The following SGTB variants were observed in gnomAD, a reference collection of about 807,000 sequenced individuals.
The protein encoded by SGTB is small glutamine rich tetratricopeptide repeat co-chaperone beta, also known as small glutamine-rich tetratricopeptide repeat-containing protein beta.
In SGTB, 19 loss-of-function variants were observed where a neutral mutation model predicts 43.9. The observed-to-expected ratio is 0.43, with a 90% CI of 0.30 to 0.63. The LOEUF (loss-of-function observed/expected upper bound fraction) is 0.63. SGTB is among the 30% of genes least tolerant of loss of function. The pLI is 0.12. For missense variants in SGTB, 304 were observed against 358.9 expected (o/e 0.85, Z 1.24); for synonymous variants, 116 against 117.3 (o/e 0.99, Z 0.07).
chr5:65,718,442 CAG>C (rs1758191968), intron 2 of SGTB, among the ~76,000 whole-genome samples: 1 of 152,152 alleles, frequency 6.6e-6, no homozygotes, highest in South Asian at 2.1e-4. Flanking sequence ...AATCATCAAT[CAG>C]TATATTGCAA....
Position 65,670,316 on chromosome 5 carries a change from T to C in SGTB, c.845A>G (p.Glu282Gly). 6.2e-7 allele frequency: 1 copy of C among 1,614,196 alleles called. No homozygotes were observed. Among genetic ancestry groups the C allele is most frequent in the Non-Finnish European group, 8.5e-7 (1 of 1,180,010 alleles). ...FAQQIQQQNP[E>G]LIEQLRNHIR... ...GTGATTTCTCAGTTGCTCTATAAGT[T>C]CAGGATTTTGTTGCTGTATCTGCTG... Residue 282 changes from glutamate to glycine, a missense_variant, in exon 11 of 11, where the codon GAA (glutamate) becomes GGA (glycine). Glu to Gly is a moderately conservative substitution (Grantham distance 98). Transcript: ENST00000381007.
At position 65,704,287 on chromosome 5, in the gene SGTB, A is replaced by G; in HGVS notation, c.366T>C (p.Tyr122=). 6.2e-7 allele frequency: 1 copy of G among 1,601,658 alleles called. No individual in the cohort carries two copies. The highest frequency in any genetic ancestry group is 8.5e-7 in the Non-Finnish European group (1 of 1,173,390). The change falls in exon 5 of 11, where the codon TAT becomes TAC. Residue 122 remains tyrosine (Y), a synonymous_variant. Coordinates refer to ENST00000381007, the MANE Select transcript of SGTB (RefSeq NM_019072.3). ...IELDPNNAVY[Y]CNRAAAQSKL... ...CAATAGTGCTAGTTTACCTGTTGCA[A>G]TAGTAAACTGCATTATTGGGATCCA... is the stretch of plus-strand genomic sequence containing the variant.
intron 5 of SGTB, among the ~76,000 whole-genome samples, chr5:65,686,937 C>T (rs1198362568): frequency 6.6e-6 from 1 of 152,192 alleles, no homozygotes; most frequent in Non-Finnish European, 1.5e-5. Flanking sequence ...TTCTATATCA[C>T]ATCCAGCTTA....
At chr5:65,678,859 A>G (rs959404238) in intron 8 of SGTB, among the ~76,000 whole-genome samples, 2 of 152,248 alleles carry the variant, frequency 1.3e-5, no homozygotes, top group Non-Finnish European at 2.9e-5. Flanking sequence ...GATGGATTAA[A>G]GACTTAAATG....
chr5:65,698,916 C>T (rs1490617595), intron 5 of SGTB, among the ~76,000 whole-genome samples: 1 of 152,116 alleles, frequency 6.6e-6, no homozygotes, highest in Admixed American at 6.5e-5. Flanking sequence ...AAAGGGAATG[C>T]TCATACACTG....
intron 8 of SGTB, among the ~76,000 whole-genome samples, chr5:65,676,443 C>T (rs1462016343): frequency 6.6e-6 from 1 of 152,148 alleles, no homozygotes; most frequent in Non-Finnish European, 1.5e-5. Flanking sequence ...AAAGCAAGTA[C>T]TTCGAGAGCT....
chr5:65,699,628 G>A (rs957972731), intron 5 of SGTB, among the ~76,000 whole-genome samples: 1 of 152,122 alleles, frequency 6.6e-6, no homozygotes, highest in South Asian at 2.1e-4. Flanking sequence ...GGTTTGTTTG[G>A]TTTTTGTTTT....
At chr5:65,695,086 C>CAG (rs1757693662) in intron 5 of SGTB, among the ~76,000 whole-genome samples, 1 of 152,028 alleles carries the variant, frequency 6.6e-6, no homozygotes. Flanking sequence ...AACGTCTTGG[C>CAG]AGAAGACAGG....
intron 5 of SGTB, among the ~76,000 whole-genome samples, chr5:65,696,542 A>G (rs1444222360): frequency 6.6e-6 from 1 of 152,170 alleles, no homozygotes; most frequent in Non-Finnish European, 1.5e-5. Flanking sequence ...ACTTCATCCT[A>G]CAAAAATTGG....
intron 8 of SGTB, 27 bp from the exon 9 acceptor site, chr5:65,672,308 T>C (rs1757174722): frequency 1.2e-6 from 2 of 1,612,038 alleles, no homozygotes; most frequent in Non-Finnish European, 8.5e-7. Flanking sequence ...GCACCTCCCA[T>C]TAAAGGCAGT....
intron 5 of SGTB, among the ~76,000 whole-genome samples, chr5:65,698,002 A>T (rs1244765682): frequency 6.6e-6 from 1 of 152,210 alleles, no homozygotes; most frequent in African/African-American, 2.4e-5. Flanking sequence ...CTCTAGAGGA[A>T]ATGAATCTAA....
At chr5:65,697,664 T>G (rs990798677) in intron 5 of SGTB, among the ~76,000 whole-genome samples, 1 of 152,204 alleles carries the variant, frequency 6.6e-6, no homozygotes, top group African/African-American at 2.4e-5. Context: ...GCTACATTGA[T>G]GATTAATAAA....
At chr5:65,721,391 T>C (rs1290114140) in intron 1 of SGTB, among the ~76,000 whole-genome samples, 2 of 152,200 alleles carry the variant, frequency 1.3e-5, no homozygotes, top group East Asian at 3.8e-4. Context: ...AGGAAATCGC[T>C]GCCCAAGTCG....
intron 6 of SGTB, among the ~76,000 whole-genome samples, chr5:65,682,925 TC>T (rs886686487): frequency 3.9e-5 from 6 of 152,132 alleles, no homozygotes; most frequent in African/African-American, 1.2e-4. Flanking sequence ...AGAGTTAGGT[TC>T]CTGCAACTGT....
intron 5 of SGTB, 71 bp from the exon 6 acceptor site, chr5:65,685,543 T>A: frequency 8.1e-7 from 1 of 1,232,934 alleles, no homozygotes; most frequent in Non-Finnish European, 1.2e-6. Context: ...CAGGTACTAA[T>A]AATACTACCT....
At chr5:65,719,357 A>G (rs1287232083) in intron 2 of SGTB, among the ~76,000 whole-genome samples, 2 of 152,186 alleles carry the variant, frequency 1.3e-5, no homozygotes, top group African/African-American at 2.4e-5. Context: ...TGGGAGGCCA[A>G]GGCGAGTGGA....
chr5:65,678,062 T>C (rs1304415356), intron 8 of SGTB, among the ~76,000 whole-genome samples: 1 of 152,160 alleles, frequency 6.6e-6, no homozygotes, highest in Admixed American at 6.5e-5. Flanking sequence ...AAATTATCCC[T>C]ATATGCAGAT....
intron 1 of SGTB, 27 bp from the exon 2 acceptor site, chr5:65,720,856 A>G: frequency 6.3e-7 from 1 of 1,596,964 alleles, no homozygotes; most frequent in Non-Finnish European, 8.5e-7. Flanking sequence ...AAAACACTGA[A>G]CTAAGTTATT....
At chr5:65,685,584 A>G in intron 5 of SGTB, 112 bp from the exon 6 acceptor site, 1 of 750,960 alleles carries the variant, frequency 1.3e-6, no homozygotes, top group Non-Finnish European at 2.2e-6. Context: ...GATCACTCCC[A>G]CTAAATTTCT....
Sources: gnomAD v4.1 joint callset for allele counts (sites outside exome capture counted in the v4.1 genomes callset) on GRCh38, gnomAD v4.1.1 for gene constraint, MANE v1.5 for transcripts, NCBI Gene and HGNC (gene_info 2026-07-23, HGNC 2026-07-21) for gene names.